PITHD1: variants seen among roughly 807,000 people sequenced by gnomAD.
The protein encoded by PITHD1 is PITH domain-containing protein 1.
A neutral mutation model predicts 27.5 loss-of-function variants in PITHD1; 8 were observed. The observed-to-expected ratio is 0.29, with a 90% confidence interval of 0.17 to 0.52. PITHD1 has a LOEUF of 0.52. Ranked by LOEUF, PITHD1 falls within the 20% of genes least tolerant of loss-of-function variation. The probability of loss-of-function intolerance (pLI) is 0.96; values close to 1 mark genes in which losing one functional copy is unlikely to be tolerated. For missense variants in PITHD1, 233 were observed against 283.9 expected, an observed-to-expected ratio of 0.82 and a Z score of 1.29; for synonymous variants, 118 against 106.8, an observed-to-expected ratio of 1.10 and a Z score of -0.64.
At chr1:23,779,205 C>A (rs566880728) in intron 1 of PITHD1, among the ~76,000 whole-genome samples, 1 of 152,180 alleles carries the variant, frequency 6.6e-6, no homozygotes, top group African/African-American at 2.4e-5. Context: ...GGCTCTTCGA[C>A]CCTGGAAATT....
intron 5 of PITHD1, among the ~76,000 whole-genome samples, chr1:23,786,639 A>T (rs544470089): frequency 3.3e-4 from 49 of 146,626 alleles, no homozygotes; most frequent in Admixed American, 1.7e-3. Flanking sequence ...TAATATATAT[A>T]ATATATATAT....
chr1:23,779,388 T>G (rs1638561262), intron 1 of PITHD1, 50 bp from the exon 2 acceptor site: 1 of 1,449,754 alleles, frequency 6.9e-7, no homozygotes. Context: ...AATTGTAGGC[T>G]CTCAGCAAAT....
intron 3 of PITHD1, among the ~76,000 whole-genome samples, chr1:23,780,659 ATC>A (rs1638582823): frequency 1.3e-5 from 2 of 151,432 alleles, no homozygotes; most frequent in African/African-American, 4.8e-5. Context: ...AGGCGGGCGG[ATC>A]ACCTGAGGTT....
At position 23,787,492 on chromosome 1, in the gene PITHD1, C is replaced by G. The variant is rs1055669543; in HGVS notation, c.*116C>G. 1 of 629,920 alleles carries G rather than the reference C, an allele frequency of 1.6e-6. No homozygotes were observed. The highest frequency in any genetic ancestry group is 2.8e-5 in the Admixed American group (1 of 36,252). The allele number at this position is 629,920 out of a possible 1,614,324, so 39.0% of individuals were successfully genotyped here. On this transcript the variant is annotated 3_prime_UTR_variant, in exon 6 of 6. Transcript: ENST00000246151. Reference sequence around the variant, plus strand: ...GTTGGCTGCCACAGCCTCTGCCAAGCTTTGTCTTTGGGGCTTGCTGCAGAA... The same window carrying G: ...GTTGGCTGCCACAGCCTCTGCCAAGGTTTGTCTTTGGGGCTTGCTGCAGAA...
At chr1:23,779,356 G>C in intron 1 of PITHD1, 82 bp from the exon 2 acceptor site, 1 of 1,048,078 alleles carries the variant, frequency 9.5e-7, no homozygotes, top group Non-Finnish European at 1.5e-6. Context: ...CCCAGTTGTA[G>C]AGCAGGGTGG....
Position 23,778,452 on chromosome 1 carries a change from A to G in PITHD1, c.-64A>G, listed in dbSNP as rs1381656043. Reference sequence around the variant, plus strand: ...AGCTGAACGGCGCGGAGCTGGTCTGAGGCGAGCCGAGCCGAGCGAGCGCGG... The same window carrying G: ...AGCTGAACGGCGCGGAGCTGGTCTGGGGCGAGCCGAGCCGAGCGAGCGCGG... On this transcript the variant is annotated 5_prime_UTR_variant, in exon 1 of 6. Transcript: ENST00000246151. 1.7e-6 allele frequency: 2 copies of G among 1,180,240 alleles called. No individual in the cohort carries two copies. The highest frequency in any genetic ancestry group is 4.5e-5 in the South Asian group (2 of 44,052). 73.1% of individuals were successfully genotyped at this position (1,180,240 alleles called of 1,614,324 possible). A position where few individuals can be genotyped will look rare whatever the true frequency, so the allele number is the denominator to read the frequency against.
intron 3 of PITHD1, among the ~76,000 whole-genome samples, chr1:23,780,584 T>C (rs1482784067): frequency 6.6e-6 from 1 of 152,046 alleles, no homozygotes; most frequent in African/African-American, 2.4e-5. Flanking sequence ...ACAAAACCAA[T>C]AAAAGATGAT....
chr1:23,784,075 G>A (rs920466111), intron 3 of PITHD1, among the ~76,000 whole-genome samples: 3 of 152,194 alleles, frequency 2.0e-5, no homozygotes, highest in South Asian at 2.1e-4. Context: ...TTACTCAGCT[G>A]GTAAGTGACA....
chr1:23,785,717 G>A lies in PITHD1; in HGVS notation c.363G>A (p.Arg121=), dbSNP rs886099326. ...AGATGTCCTTTGATGATACAGAAAG[G>A]GAGCCAGATCAGACCTTTAGTCTGA... ...IPQMSFDDTE[R]EPDQTFSLNR... The change falls in exon 4 of 6, where the codon AGG becomes AGA. Residue 121 remains arginine (R), a synonymous_variant. Transcript: ENST00000246151. 1.2e-6 allele frequency: 2 copies of A among 1,610,864 alleles called. No individual in the cohort carries two copies. The highest frequency in any genetic ancestry group is 2.7e-5 in the African/African-American group (2 of 74,842).
At chr1:23,782,661 G>C (rs1289553100) in intron 3 of PITHD1, among the ~76,000 whole-genome samples, 1 of 152,112 alleles carries the variant, frequency 6.6e-6, no homozygotes, top group Non-Finnish European at 1.5e-5. Flanking sequence ...GAGTGCAGTA[G>C]TGTGATCATA....
Position 23,778,546 on chromosome 1 carries a change from G to A in PITHD1, c.31G>A (p.Gly11Ser). MSHGHSHGGG[G>S]CRCAAEREEP... The stretch of plus-strand genomic sequence containing the variant: ...GCACGGTCACAGCCACGGCGGGGGT[G>A]GCTGCCGCTGCGCCGCCGAACGGGA... Residue 11 changes from glycine (G) to serine (S), a missense_variant, in exon 1 of 6, where the codon GGC becomes AGC. Transcript: ENST00000246151. 1.5e-6 allele frequency: 2 copies of A among 1,340,406 alleles called. No individual in the cohort carries two copies. The highest frequency in any genetic ancestry group is 3.1e-5 in the East Asian group (1 of 32,310). The allele number at this position is 1,340,406 out of a possible 1,614,324, so 83.0% of individuals were successfully genotyped here.
chr1:23,779,621 C>T (rs2148398861), intron 2 of PITHD1, 140 bp downstream of exon 2: 1 of 738,306 alleles, frequency 1.4e-6, no homozygotes, highest in African/African-American at 1.7e-5. Context: ...AGGAGGAAAG[C>T]ATCATAGCTT....
At chr1:23,785,110 C>T (rs1268524621) in intron 3 of PITHD1, 3 of 152,306 alleles carry the variant, frequency 2.0e-5, no homozygotes, top group African/African-American at 7.2e-5. Flanking sequence ...TGAGCCGTCT[C>T]TTTGTGTATT....
intron 4 of PITHD1, 144 bp from the exon 5 acceptor site, chr1:23,786,171 C>G (rs1638679143): frequency 1.8e-6 from 1 of 541,574 alleles, no homozygotes; most frequent in Admixed American, 3.0e-5. Flanking sequence ...AATTAATTGC[C>G]TGTCCAAAGG....
intron 1 of PITHD1, among the ~76,000 whole-genome samples, chr1:23,779,088 C>G (rs1404325998): frequency 6.6e-6 from 1 of 152,138 alleles, no homozygotes; most frequent in African/African-American, 2.4e-5. Flanking sequence ...AGCAAATGTT[C>G]TTTACATTGT....
intron 2 of PITHD1, 47 bp downstream of exon 2, chr1:23,779,528 A>T: frequency 7.1e-7 from 1 of 1,403,332 alleles, no homozygotes. Context: ...GGCTGTACCC[A>T]GTTGCCTCAG....
intron 3 of PITHD1, among the ~76,000 whole-genome samples, chr1:23,780,956 C>A (rs1465905609): frequency 6.6e-6 from 1 of 151,976 alleles, no homozygotes; most frequent in African/African-American, 2.4e-5. Flanking sequence ...AATCCCAGCA[C>A]TTTGGGATGC....
Sources: allele counts gnomAD v4.1 joint callset (sites outside exome capture counted in the v4.1 genomes callset), GRCh38; gene constraint gnomAD v4.1.1; transcripts MANE v1.5; gene names NCBI Gene and HGNC (gene_info 2026-07-23, HGNC 2026-07-21).